Variants in RBFOX1 observed in about 807,000 individuals in gnomAD.
RBFOX1 encodes the protein RNA binding fox-1 homolog 1, also known as RNA binding protein fox-1 homolog 1.
RBFOX1 carries 8 observed loss-of-function variants against 57.7 expected under a neutral mutation model. The observed-to-expected ratio is 0.14, with a 90% confidence interval of 0.08 to 0.25. RBFOX1 has a LOEUF of 0.25. RBFOX1 is among the 10% of genes least tolerant of loss of function. The pLI, the probability that RBFOX1 is intolerant of heterozygous loss-of-function variation, is 1.00. For missense variants in RBFOX1, 611 were observed against 548.5 expected, an observed-to-expected ratio of 1.11 and a Z score of -1.14; for synonymous variants, 326 against 222.4, an observed-to-expected ratio of 1.47 and a Z score of -4.15.
intron 1 of RBFOX1, among the ~76,000 whole-genome samples, chr16:5,341,070 G>A (rs1391163083): frequency 2.6e-5 from 4 of 152,190 alleles, no homozygotes; most frequent in African/African-American, 4.8e-5. Flanking sequence ...AGACTAGCCA[G>A]TGCAGCAGCC....
chr16:6,019,163 A>AT lies in RBFOX1; in HGVS notation c.-951dup. 5.1e-6 allele frequency: 5 copies of AT among 984,628 alleles called. No homozygotes were observed. The highest frequency in any genetic ancestry group is 4.8e-6 in the Non-Finnish European group (4 of 829,954). The allele number at this position is 984,628 out of a possible 1,614,324, so 61.0% of individuals were successfully genotyped here. On this transcript the variant is annotated 5_prime_UTR_variant, in exon 1 of 16. Transcript: ENST00000550418. This position sits in a 1 kb window ranked among gnomAD's most constrained non-coding sequence, Gnocchi z 4.2. The stretch of plus-strand genomic sequence containing the variant: ...CTCCTTTGTTTATTTTCTAATCTAT[A>AT]TTTTTACTGGAAGATTTCCTCTTTA...
chr16:5,807,847 T>A (rs1260386597), intron 3 of RBFOX1, among the ~76,000 whole-genome samples: 1 of 152,200 alleles, frequency 6.6e-6, no homozygotes, highest in East Asian at 1.9e-4. Flanking sequence ...CCCACGCTGC[T>A]GGTCTGGACC....
intron 3 of RBFOX1, among the ~76,000 whole-genome samples, chr16:5,725,044 C>T (rs1403062853): frequency 6.6e-6 from 1 of 152,040 alleles, no homozygotes. Flanking sequence ...CAACCCTTTC[C>T]CTTGGGAGAT....
chr16:6,669,293 C>T (rs1603291877), intron 3 of RBFOX1, among the ~76,000 whole-genome samples: 1 of 152,188 alleles, frequency 6.6e-6, no homozygotes, highest in Non-Finnish European at 1.5e-5. Context: ...CATGAACACA[C>T]TCACCCAATT....
At chr16:7,360,153 A>G (rs1420549393) in intron 4 of RBFOX1, among the ~76,000 whole-genome samples, 1 of 152,202 alleles carries the variant, frequency 6.6e-6, no homozygotes, top group Non-Finnish European at 1.5e-5. Flanking sequence ...TCATGTATAT[A>G]CTATTTAATA....
chr16:6,974,170 C>T lies in RBFOX1; in HGVS notation c.-15-77887C>T, dbSNP rs186335622. 3.3e-5 allele frequency among the ~76,000 whole-genome samples: 5 copies of T among 151,844 alleles called. No individual in the cohort carries two copies. In the South Asian group the frequency reaches 6.2e-4, roughly 19 times the overall value. ...TATGTACCACATTTTTTTATTAATCCAGTCTATCATTGCTGAGCATTTGTT... is the reference window on the plus strand; with the variant it reads ...TATGTACCACATTTTTTTATTAATCTAGTCTATCATTGCTGAGCATTTGTT... On this transcript the variant is annotated intron_variant, in intron 3 of 15. Coordinates refer to ENST00000550418, the MANE Select transcript of RBFOX1 (RefSeq NM_018723.4).
intron 4 of RBFOX1, among the ~76,000 whole-genome samples, chr16:7,212,796 C>A (rs983509805): frequency 6.6e-6 from 1 of 152,134 alleles, no homozygotes; most frequent in Non-Finnish European, 1.5e-5. Flanking sequence ...ATGTAACAAA[C>A]CTGCATGTTC....
At chr16:6,979,303 C>T (rs955646634) in intron 3 of RBFOX1, among the ~76,000 whole-genome samples, 1 of 152,066 alleles carries the variant, frequency 6.6e-6, no homozygotes, top group Non-Finnish European at 1.5e-5. Context: ...TGATTAAACA[C>T]GCAGGATATA....
intron 1 of RBFOX1, among the ~76,000 whole-genome samples, chr16:5,351,379 G>T (rs532251397): frequency 6.6e-6 from 1 of 152,260 alleles, no homozygotes; most frequent in Admixed American, 6.5e-5. Context: ...GGAAAGTGAG[G>T]CTTGGAATAG....
intron 3 of RBFOX1, among the ~76,000 whole-genome samples, chr16:6,945,320 A>G (rs1325465388): frequency 2.0e-5 from 3 of 152,172 alleles, no homozygotes; most frequent in Non-Finnish European, 4.4e-5. Context: ...TCAAACGCAG[A>G]TGCTTACCTA....
intron 2 of RBFOX1, among the ~76,000 whole-genome samples, chr16:5,469,710 C>T (rs904376925): frequency 6.6e-6 from 1 of 152,134 alleles, no homozygotes; most frequent in Non-Finnish European, 1.5e-5. Flanking sequence ...CTGCATCCTG[C>T]CCCTGTGGAT....
At position 5,975,598 on chromosome 16, in the gene RBFOX1, T is replaced by G. The variant is rs190705601; in HGVS notation, c.351+108263T>G. Reference sequence around the variant, plus strand: ...TTTCCTGAACCAGTGTATTCATCTTTCCTGTGTCCAGAAAGTTACTTTATC... The same window carrying G: ...TTTCCTGAACCAGTGTATTCATCTTGCCTGTGTCCAGAAAGTTACTTTATC... On this transcript the variant is annotated intron_variant, in intron 4 of 19. Transcript: ENST00000641259. Among the ~76,000 whole-genome samples the G allele has an allele frequency of 4.0e-4, 61 of 152,322 alleles. 1 individual carries two copies. In the East Asian group the frequency reaches 5.8e-3, roughly 14 times the overall value.
chr16:7,037,859 A>G (rs1465523747), intron 3 of RBFOX1, among the ~76,000 whole-genome samples: 2 of 152,198 alleles, frequency 1.3e-5, no homozygotes, highest in South Asian at 2.1e-4. Context: ...GATCAAGATG[A>G]CTGCCCAGAT....
At chr16:6,414,285 A>C (rs1181120430) in intron 2 of RBFOX1, among the ~76,000 whole-genome samples, 1 of 152,350 alleles carries the variant, frequency 6.6e-6, no homozygotes, top group Admixed American at 6.5e-5. Context: ...TTGTGTATGT[A>C]GACATATGTA....
At chr16:7,452,322 C>T (rs2098874959) in intron 4 of RBFOX1, among the ~76,000 whole-genome samples, 1 of 152,172 alleles carries the variant, frequency 6.6e-6, no homozygotes, top group African/African-American at 2.4e-5. Context: ...AATGAGTCAG[C>T]CCGCGTTAGC....
intron 5 of RBFOX1, among the ~76,000 whole-genome samples, chr16:7,558,322 C>G (rs190443842): frequency 2.0e-5 from 3 of 151,988 alleles, no homozygotes; most frequent in Non-Finnish European, 2.9e-5. Flanking sequence ...CCATTGCACT[C>G]TAGCCTTTGT....
At chr16:5,864,639 C>T (rs1371465267) in intron 3 of RBFOX1, among the ~76,000 whole-genome samples, 3 of 150,342 alleles carry the variant, frequency 2.0e-5, no homozygotes, top group African/African-American at 4.9e-5. Flanking sequence ...TTTTTAATGT[C>T]AGCATATAAG....
intron 1 of RBFOX1, among the ~76,000 whole-genome samples, chr16:6,283,204 G>A (rs925856227): frequency 1.3e-5 from 2 of 152,142 alleles, no homozygotes; most frequent in Non-Finnish European, 2.9e-5. Flanking sequence ...ACTGAGGCCT[G>A]TATTCCCAGC....
chr16:5,725,507 C>T (rs1474416632), intron 3 of RBFOX1, among the ~76,000 whole-genome samples: 3 of 151,998 alleles, frequency 2.0e-5, no homozygotes, highest in Non-Finnish European at 2.9e-5. Context: ...TCAGGCAATT[C>T]TCCTACCTTA....
Sources: allele counts gnomAD v4.1 joint callset (sites outside exome capture counted in the v4.1 genomes callset), GRCh38; gene constraint gnomAD v4.1.1; non-coding constraint Gnocchi (gnomAD v3.1); transcripts MANE v1.5; gene names NCBI Gene and HGNC (gene_info 2026-07-23, HGNC 2026-07-21).